The following FIRRM variants were observed in gnomAD, a reference collection of about 807,000 sequenced individuals.
FIRRM encodes FIGNL1 interacting regulator of recombination and mitosis.
chr1:169,793,768 A>T, the FIRRM span: 1 of 1,371,278 alleles, frequency 7.3e-7, no homozygotes. Context: ...GATACACACA[A>T]ATCTGCCTCA....
the FIRRM span, chr1:169,798,854 T>A: frequency 2.8e-5 from 27 of 951,146 alleles, no homozygotes; most frequent in South Asian, 6.0e-4. Flanking sequence ...ATTTTTTTTT[T>A]AGGTTTGTTC....
chr1:169,819,730 A>G, the FIRRM span, among the ~76,000 whole-genome samples: 1 of 152,192 alleles, frequency 6.6e-6, no homozygotes, highest in Non-Finnish European at 1.5e-5. Flanking sequence ...CAAAGTGCGG[A>G]TATTTCTGGC....
chr1:169,804,992 T>A, the FIRRM span, among the ~76,000 whole-genome samples: 6 of 152,342 alleles, frequency 3.9e-5, no homozygotes, highest in African/African-American at 1.4e-4. Flanking sequence ...CAATACTAGT[T>A]TATTTTTAAA....
chr1:169,817,581 G>A, the FIRRM span, among the ~76,000 whole-genome samples: 1 of 152,098 alleles, frequency 6.6e-6, no homozygotes, highest in Non-Finnish European at 1.5e-5. Flanking sequence ...TATGCTTCCT[G>A]TATGATTTTT....
At chr1:169,812,528 A>T in the FIRRM span, among the ~76,000 whole-genome samples, 9 of 152,252 alleles carry the variant, frequency 5.9e-5, no homozygotes, top group East Asian at 1.7e-3. Flanking sequence ...GTGCTTTTAA[A>T]TTTGCATAGC....
the FIRRM span, chr1:169,849,553 G>A: frequency 1.2e-6 from 2 of 1,614,056 alleles, no homozygotes; most frequent in Non-Finnish European, 1.7e-6. Context: ...TAGCTGACAG[G>A]AGTTGGCTGC....
chr1:169,784,158 G>C, the FIRRM span, among the ~76,000 whole-genome samples: 5 of 152,138 alleles, frequency 3.3e-5, no homozygotes, highest in Admixed American at 3.3e-4. Context: ...CAAGCAAACT[G>C]GGGTGTGGGT....
At chr1:169,822,348 G>C in the FIRRM span, among the ~76,000 whole-genome samples, 5 of 152,242 alleles carry the variant, frequency 3.3e-5, 1 homozygote, top group South Asian at 4.1e-4. Context: ...CTTATCTTTC[G>C]TCAAAAACAG....
chr1:169,829,551 T>A, the FIRRM span: 1 of 1,112,480 alleles, frequency 9.0e-7, no homozygotes, highest in South Asian at 2.0e-5. Context: ...ATACTTAGTA[T>A]ATTCCTTTTG....
the FIRRM span, among the ~76,000 whole-genome samples, chr1:169,828,138 C>A: frequency 2.6e-5 from 4 of 152,070 alleles, no homozygotes; most frequent in African/African-American, 7.2e-5. Context: ...CATTTAAAAA[C>A]GAGCTCTGAT....
At chr1:169,843,786 G>C in the FIRRM span, 1 of 1,476,330 alleles carries the variant, frequency 6.8e-7, no homozygotes, top group South Asian at 1.1e-5. Context: ...ATAATGACCA[G>C]ATTGATACTT....
At chr1:169,818,302 A>C in the FIRRM span, among the ~76,000 whole-genome samples, 1 of 152,198 alleles carries the variant, frequency 6.6e-6, no homozygotes, top group Non-Finnish European at 1.5e-5. Context: ...TTTCTAGCAT[A>C]GCTAGGGGGC....
At chr1:169,803,989 A>C in the FIRRM span, 1 of 813,140 alleles carries the variant, frequency 1.2e-6, no homozygotes, top group Non-Finnish European at 1.8e-6. Context: ...CAGTAAATTT[A>C]TGATCTCTAA....
chr1:169,829,918 T>C, the FIRRM span, among the ~76,000 whole-genome samples: 1 of 151,906 alleles, frequency 6.6e-6, no homozygotes, highest in Admixed American at 6.6e-5. Flanking sequence ...TGTATGTGAA[T>C]AAAGGCAGAA....
the FIRRM span, chr1:169,795,283 C>A: frequency 6.8e-7 from 1 of 1,469,048 alleles, no homozygotes; most frequent in Non-Finnish European, 9.2e-7. Context: ...TCTCTTCTGT[C>A]CCTTCAGACC....
the FIRRM span, chr1:169,850,120 A>T: frequency 1.7e-6 from 1 of 605,526 alleles, no homozygotes; most frequent in South Asian, 2.0e-5. Flanking sequence ...ACCCTGAAGG[A>T]ATCATGAGTT....
chr1:169,798,952 C>T, the FIRRM span: 1 of 1,285,558 alleles, frequency 7.8e-7, no homozygotes. Flanking sequence ...TTGGATTGAG[C>T]ATATTCGTAA....
At chr1:169,787,242 A>G in the FIRRM span, among the ~76,000 whole-genome samples, 11 of 152,130 alleles carry the variant, frequency 7.2e-5, no homozygotes, top group African/African-American at 2.7e-4. Flanking sequence ...TGTAGCCCTA[A>G]TTTCCGGTTC....
chr1:169,802,867 A>G, the FIRRM span: 2,503 of 614,778 alleles, frequency 4.1e-3, 58 homozygotes, highest in African/African-American at 0.042. Flanking sequence ...ACGTGAATAT[A>G]GAAACATGAA....
Sources: allele counts gnomAD v4.1 joint callset (sites outside exome capture counted in the v4.1 genomes callset), GRCh38; gene constraint gnomAD v4.1.1; transcripts MANE v1.5; gene names NCBI Gene and HGNC (gene_info 2026-07-23, HGNC 2026-07-21).